Variants in KALRN observed in about 807,000 individuals in gnomAD.
KALRN encodes kalirin.
In KALRN, 70 loss-of-function variants were observed where a neutral mutation model predicts 353.7. That is an observed-to-expected ratio of 0.20 (90% confidence interval 0.16 to 0.24). The LOEUF is 0.24. KALRN is among the 10% of genes least tolerant of loss of function. The pLI, the probability that KALRN is intolerant of heterozygous loss-of-function variation, is 1.00. For synonymous variants in KALRN, 1,391 were observed against 1,434.8 expected, an observed-to-expected ratio of 0.97 and a Z score of 0.69; for missense variants, 2,791 against 3,756.7, an observed-to-expected ratio of 0.74 and a Z score of 6.72.
chr3:124,281,539 C>T (rs1038758432), intron 5 of KALRN, among the ~76,000 whole-genome samples: 1 of 152,212 alleles, frequency 6.6e-6, no homozygotes, highest in Non-Finnish European at 1.5e-5. Context: ...GCCAACACTC[C>T]TCCCATTTGG....
intron 1 of KALRN, among the ~76,000 whole-genome samples, chr3:124,071,133 T>TG (rs1194839782): frequency 1.3e-5 from 2 of 152,092 alleles, no homozygotes; most frequent in Non-Finnish European, 1.5e-5. Flanking sequence ...TTAGATGACA[T>TG]GGGGGGCATG....
At chr3:124,121,113 A>T (rs1028486780) in intron 1 of KALRN, among the ~76,000 whole-genome samples, 15 of 150,984 alleles carry the variant, frequency 9.9e-5, no homozygotes, top group Admixed American at 2.6e-4. Flanking sequence ...AAAAAAAAAA[A>T]AGAAATCAGA....
chr3:124,300,791 T>A (rs544251376), intron 6 of KALRN, among the ~76,000 whole-genome samples: 3 of 152,312 alleles, frequency 2.0e-5, no homozygotes, highest in African/African-American at 7.2e-5. Context: ...GGCAGGGAAA[T>A]CATCAACACT....
At chr3:124,300,934 T>C (rs985746574) in intron 6 of KALRN, among the ~76,000 whole-genome samples, 20 of 152,162 alleles carry the variant, frequency 1.3e-4, no homozygotes, top group African/African-American at 4.6e-4. Flanking sequence ...AGCAAAGCAA[T>C]TGGTAACAGG....
chr3:124,459,761 C>T (rs1033857210), intron 23 of KALRN, among the ~76,000 whole-genome samples: 105 of 151,992 alleles, frequency 6.9e-4, no homozygotes, highest in African/African-American at 2.5e-3. Context: ...AATAGTATGT[C>T]CTAAGATTAA....
chr3:124,667,664 CCCCTT>C (rs985128197), intron 47 of KALRN, among the ~76,000 whole-genome samples: 8 of 152,180 alleles, frequency 5.3e-5, no homozygotes, highest in African/African-American at 1.9e-4. Context: ...GCCAACCTTA[CCCCTT>C]TTAAATGAGA....
chr3:124,385,682 G>A (rs2088151139), intron 11 of KALRN, among the ~76,000 whole-genome samples: 1 of 152,120 alleles, frequency 6.6e-6, no homozygotes, highest in Admixed American at 6.5e-5. Context: ...TTCACCAAGT[G>A]GAGAAAGGAG....
At chr3:124,146,424 A>G (rs1457006567) in intron 1 of KALRN, among the ~76,000 whole-genome samples, 1 of 152,226 alleles carries the variant, frequency 6.6e-6, no homozygotes, top group Non-Finnish European at 1.5e-5. Flanking sequence ...CTAAAGTACT[A>G]GTCTATAACA....
chr3:124,625,012 G>T (rs1247810726), intron 34 of KALRN, among the ~76,000 whole-genome samples: 2 of 152,140 alleles, frequency 1.3e-5, no homozygotes, highest in African/African-American at 4.8e-5. Flanking sequence ...TAGAATGAAT[G>T]AATACACAGA....
intron 10 of KALRN, among the ~76,000 whole-genome samples, chr3:124,365,121 T>C (rs1451216917): frequency 6.6e-6 from 1 of 152,208 alleles, no homozygotes; most frequent in Non-Finnish European, 1.5e-5. Context: ...TATAACTTAA[T>C]TGTGTAGAGA....
intron 37 of KALRN, among the ~76,000 whole-genome samples, chr3:124,639,674 G>A (rs182832832): frequency 6.6e-6 from 1 of 152,290 alleles, no homozygotes. Context: ...ATGTGGGATG[G>A]CATTGGTGTT....
At chr3:124,660,519 G>A (rs1268969499) in intron 43 of KALRN, among the ~76,000 whole-genome samples, 4 of 151,706 alleles carry the variant, frequency 2.6e-5, no homozygotes, top group African/African-American at 4.8e-5. Context: ...CATCTCTACC[G>A]AAAATACAAA....
At chr3:124,623,429 A>ACACACACACACACACACACACAC (rs1561450939) in intron 34 of KALRN, among the ~76,000 whole-genome samples, 1 of 83,058 alleles carries the variant, frequency 1.2e-5, no homozygotes, top group Non-Finnish European at 2.2e-5. Context: ...CACACACACA[A>ACACACACACACACACACACACAC]AAGGGAGTTT....
intron 1 of KALRN, among the ~76,000 whole-genome samples, chr3:124,050,490 TC>T (rs1157538733): frequency 1.3e-5 from 2 of 152,228 alleles, no homozygotes; most frequent in South Asian, 2.1e-4. Context: ...TAGGCATTTT[TC>T]TAGAGGCCTT....
At chr3:124,281,047 T>G (rs2075292496) in intron 5 of KALRN, among the ~76,000 whole-genome samples, 1 of 152,068 alleles carries the variant, frequency 6.6e-6, no homozygotes, top group South Asian at 2.1e-4. Context: ...ACCCTAGAAC[T>G]TAAAGTATAA....
intron 6 of KALRN, among the ~76,000 whole-genome samples, chr3:124,311,818 A>G (rs932316403): frequency 6.6e-6 from 1 of 152,262 alleles, no homozygotes; most frequent in Non-Finnish European, 1.5e-5. Flanking sequence ...TTATTTGGCC[A>G]TAAAAAGGAA....
At chr3:124,499,458 A>G (rs1038598988) in intron 33 of KALRN, among the ~76,000 whole-genome samples, 1 of 152,252 alleles carries the variant, frequency 6.6e-6, no homozygotes, top group Admixed American at 6.5e-5. Flanking sequence ...CACTCTTACT[A>G]GAGGGGAAGC....
At chr3:124,661,177 T>C (rs995990472) in intron 44 of KALRN, among the ~76,000 whole-genome samples, 1 of 152,178 alleles carries the variant, frequency 6.6e-6, no homozygotes, top group Non-Finnish European at 1.5e-5. Flanking sequence ...AAATCTGTCC[T>C]GGGGTGCACT....
intron 23 of KALRN, among the ~76,000 whole-genome samples, chr3:124,461,110 T>A (rs997205859): frequency 2.0e-5 from 3 of 152,250 alleles, no homozygotes; most frequent in Non-Finnish European, 2.9e-5. Flanking sequence ...TTTCATATGG[T>A]CTATAAACTA....
Sources: allele counts gnomAD v4.1 joint callset (sites outside exome capture counted in the v4.1 genomes callset), GRCh38; gene constraint gnomAD v4.1.1; transcripts MANE v1.5; gene names NCBI Gene and HGNC (gene_info 2026-07-23, HGNC 2026-07-21).